The following TLN1 variants were observed in gnomAD, a reference collection of about 807,000 sequenced individuals.
The protein encoded by TLN1 is talin 1, also known as talin-1.
Under a neutral mutation model 292.3 loss-of-function variants are expected in TLN1, and 56 were observed. The observed-to-expected ratio is 0.19, with a 90% CI of 0.15 to 0.24. TLN1 has a LOEUF of 0.24. Among genes scored for constraint, TLN1 ranks in the 10% least tolerant of loss-of-function variants. The probability of loss-of-function intolerance (pLI) is 1.00; values close to 1 mark genes in which losing one functional copy is unlikely to be tolerated. For missense variants in TLN1, 2,433 were observed against 3,248.2 expected (o/e 0.75, Z 6.10); for synonymous variants, 1,119 against 1,253.7 (o/e 0.89, Z 2.27).
Position 35,719,392 on chromosome 9 carries a change from C to T in TLN1, c.1688-110G>A, listed in dbSNP as rs578084213. The T allele has an allele frequency of 3.0e-4, 400 of 1,344,652 alleles. No homozygotes were observed. The highest frequency in any genetic ancestry group is 4.8e-4 in the Admixed American group (28 of 58,446). 83.3% of individuals were successfully genotyped at this position (1,344,652 alleles called of 1,614,324 possible). Reference sequence around the variant, plus strand: ...AGTCACACACATGTCCACAGAAAGACGCACACACACAGTCCCTTCCACAGT... The same window carrying T: ...AGTCACACACATGTCCACAGAAAGATGCACACACACAGTCCCTTCCACAGT... On this transcript the variant is annotated intron_variant, in intron 15 of 56. Coordinates refer to ENST00000314888, the MANE Select transcript of TLN1 (RefSeq NM_006289.4). The surrounding 1 kb of genome is among the most constrained non-coding windows in gnomAD (Gnocchi z 4.6).
rs377421728 is a variant in TLN1 at position 35,706,822 on chromosome 9, A to C, written c.5034T>G (p.Ala1678=). The C allele has an allele frequency of 6.2e-7, 1 of 1,614,064 alleles. No homozygotes were observed. Among genetic ancestry groups the C allele is most frequent in the East Asian group, 2.2e-5 (1 of 44,878 alleles). The change falls in exon 38 of 57, where the codon GCT becomes GCG. Residue 1678 remains alanine (A), a synonymous_variant. Transcript: ENST00000314888. The surrounding 1 kb of genome is among the most constrained non-coding windows in gnomAD (Gnocchi z 4.2). Reference sequence around the variant, plus strand: ...GCTGCTGGCTGACTGCAGCGAGGGAAGCCTGGTCTAGGTCCCGTAGACAAC... The same window carrying C: ...GCTGCTGGCTGACTGCAGCGAGGGACGCCTGGTCTAGGTCCCGTAGACAAC... The part of the protein sequence containing the change: ...LNSCLRDLDQ[A]SLAAVSQQLA...
Position 35,724,105 on chromosome 9 carries a change from A to G in TLN1, c.655-26T>C. The G allele has an allele frequency of 6.2e-7, 1 of 1,612,728 alleles. No individual in the cohort carries two copies. Among genetic ancestry groups the G allele is most frequent in the Non-Finnish European group, 8.5e-7 (1 of 1,178,852 alleles). Reference sequence around the variant, plus strand: ...CTGGAGAGCACAGGGCAAGGAGGCGAATGTTGTGTGTGGGTGCAAGGACAC... The same window carrying G: ...CTGGAGAGCACAGGGCAAGGAGGCGGATGTTGTGTGTGGGTGCAAGGACAC... On this transcript the variant is annotated intron_variant, in intron 6 of 56. Coordinates refer to ENST00000314888, the MANE Select transcript of TLN1 (RefSeq NM_006289.4). This position sits in a 1 kb window ranked among gnomAD's most constrained non-coding sequence, Gnocchi z 4.7.
At position 35,699,220 on chromosome 9, in the gene TLN1, G is replaced by A; in HGVS notation, c.6875-64C>T. The A allele has an allele frequency of 6.4e-7, 1 of 1,574,736 alleles. No homozygotes were observed. The highest frequency in any genetic ancestry group is 1.8e-5 in the Admixed American group (1 of 54,258). The stretch of plus-strand genomic sequence containing the variant: ...GTGGGGAGGTCAAAAGCACCAGGGA[G>A]CATGGTTAGTATCATCAGGCCCTGG... On this transcript the variant is annotated intron_variant, in intron 51 of 56. Coordinates refer to ENST00000314888, the MANE Select transcript of TLN1 (RefSeq NM_006289.4). The surrounding 1 kb of genome is among the most constrained non-coding windows in gnomAD (Gnocchi z 4.0).
chr9:35,725,152 T>C, intron 3 of TLN1, 72 bp downstream of exon 3: 1 of 1,571,008 alleles, frequency 6.4e-7, no homozygotes, highest in Admixed American at 1.7e-5. Flanking sequence ...ATGTGGGTGC[T>C]GAAAACAGGA....
chr9:35,706,800 G>C lies in TLN1; in HGVS notation c.5056C>G (p.Gln1686Glu). 1 of 1,614,022 alleles carries C rather than the reference G, an allele frequency of 6.2e-7. No individual in the cohort carries two copies. The highest frequency in any genetic ancestry group is 8.5e-7 in the Non-Finnish European group (1 of 1,180,020). Reference sequence around the variant, plus strand: ...GAGATTCCCTCACGGGGAGCAAGCTGCTGGCTGACTGCAGCGAGGGAAGCC... The same window carrying C: ...GAGATTCCCTCACGGGGAGCAAGCTCCTGGCTGACTGCAGCGAGGGAAGCC... ...DQASLAAVSQ[Q>E]LAPREGISQE... Residue 1686 changes from glutamine to glutamate, a missense_variant, in exon 38 of 57, where the codon CAG (glutamine) becomes GAG (glutamate). Around this residue, in one of 7 missense-constraint regions of TLN1, gnomAD observed 1,384 missense variants for 1,699.6 expected, o/e 0.81. Coordinates refer to ENST00000314888, the MANE Select transcript of TLN1 (RefSeq NM_006289.4). The surrounding 1 kb of genome is among the most constrained non-coding windows in gnomAD (Gnocchi z 4.2).
chr9:35,708,946 G>A (rs1411660076), intron 33 of TLN1, among the ~76,000 whole-genome samples: 2 of 152,306 alleles, frequency 1.3e-5, no homozygotes, highest in Non-Finnish European at 2.9e-5. Context: ...ACCTCCATGC[G>A]TCAGATATTT....
Position 35,719,157 on chromosome 9 carries a change from C to G in TLN1, c.1813G>C (p.Gly605Arg). ...TTTGCTGCCTGCAACAGGGGCCGAC[C>G]ACTGCCGCCTTCGTCCTCCAGCAAG... Reference protein sequence around the residue: ...AALLEDEGGSGRPLLQAAKGL... With the variant: ...AALLEDEGGSRRPLLQAAKGL... The change falls in exon 16 of 57, where the codon GGT becomes CGT. Residue 605 changes from glycine (G) to arginine (R), a missense_variant. Gly to Arg is a moderately radical substitution (Grantham distance 125). Around this residue, in one of 7 missense-constraint regions of TLN1, gnomAD observed 617 missense variants for 770.6 expected, o/e 0.80. Coordinates refer to ENST00000314888, the MANE Select transcript of TLN1 (RefSeq NM_006289.4). This position sits in a 1 kb window ranked among gnomAD's most constrained non-coding sequence, Gnocchi z 4.6. 3 of 1,614,192 alleles carry G rather than the reference C, an allele frequency of 1.9e-6. No individual in the cohort carries two copies. The highest frequency in any genetic ancestry group is 2.5e-6 in the Non-Finnish European group (3 of 1,180,028).
At position 35,707,299 on chromosome 9, in the gene TLN1, A is replaced by C; in HGVS notation, c.4774-46T>G. 6.2e-7 allele frequency: 1 copy of C among 1,608,480 alleles called. No homozygotes were observed. The highest frequency in any genetic ancestry group is 1.3e-5 in the African/African-American group (1 of 74,958). On this transcript the variant is annotated intron_variant, in intron 36 of 56. Coordinates refer to ENST00000314888, the MANE Select transcript of TLN1 (RefSeq NM_006289.4). This position sits in a 1 kb window ranked among gnomAD's most constrained non-coding sequence, Gnocchi z 5.6. Reference sequence around the variant, plus strand: ...AAGGTAAGTCTCAGGAGTCCCTGGAAGATGAGGTGATAAGCTGGCCCATCA... The same window carrying C: ...AAGGTAAGTCTCAGGAGTCCCTGGACGATGAGGTGATAAGCTGGCCCATCA...
At chr9:35,725,951 T>C (rs1006824000) in intron 1 of TLN1, among the ~76,000 whole-genome samples, 1 of 152,182 alleles carries the variant, frequency 6.6e-6, no homozygotes, top group African/African-American at 2.4e-5. Context: ...TTCGTTCTGT[T>C]GCCCAGGCTA....
chr9:35,707,174 C>T lies in TLN1; in HGVS notation c.4853G>A (p.Arg1618Gln), dbSNP rs780560798. 9 of 1,610,266 alleles carry T rather than the reference C, an allele frequency of 5.6e-6. No homozygotes were observed. The highest frequency in any genetic ancestry group is 2.2e-5 in the East Asian group (1 of 44,886). ...ESAGGLIQTA[R>Q]ALAVNPRDPP... ...GTCCCGGGGATTGACTGCGAGGGCC[C>T]GGGCTGTCTGGATGAGTCCCCCGGC... Residue 1618 changes from arginine to glutamine, a missense_variant, in exon 37 of 57, where the codon CGG becomes CAG. Arg to Gln is a conservative substitution (Grantham distance 43, BLOSUM62 1). Transcript: ENST00000314888. This position sits in a 1 kb window ranked among gnomAD's most constrained non-coding sequence, Gnocchi z 5.6.
rs777616869 is a variant in TLN1, at chr9:35,710,895, G to C, written c.4114-9C>G. The C allele has an allele frequency of 2.0e-5, 32 of 1,613,996 alleles. No individual in the cohort carries two copies. Among genetic ancestry groups the C allele is most frequent in the South Asian group, 1.5e-4 (14 of 91,078 alleles). On this transcript the variant is annotated splice_polypyrimidine_tract_variant and intron_variant, in intron 31 of 56. Transcript: ENST00000314888. The stretch of plus-strand genomic sequence containing the variant: ...AGGAGTTCCCGGACCGTCTGTGTAG[G>C]GGGAGGGCAAAGTGAGATCCAAGAC...
chr9:35,729,402 G>C (rs1052347783), intron 1 of TLN1, among the ~76,000 whole-genome samples: 2 of 152,234 alleles, frequency 1.3e-5, no homozygotes, highest in African/African-American at 4.8e-5. Flanking sequence ...AGGGGTACCT[G>C]CAAGGGAGCA....
intron 33 of TLN1, 21 bp from the exon 34 acceptor site, chr9:35,708,505 G>T: frequency 6.5e-7 from 1 of 1,538,684 alleles, no homozygotes; most frequent in Non-Finnish European, 8.8e-7. Context: ...AAAAGGGGGT[G>T]GGGGTGAGGA....
intron 10 of TLN1, among the ~76,000 whole-genome samples, chr9:35,721,181 G>A (rs938601545): frequency 6.6e-6 from 1 of 152,212 alleles, no homozygotes. Flanking sequence ...AAAATTGAGA[G>A]GATATAATAT....
Position 35,707,128 on chromosome 9 carries a change from C to T in TLN1, c.4899G>A (p.Leu1633=). Residue 1633 remains leucine, a synonymous_variant, in exon 37 of 57, where the codon CTG becomes CTA. Coordinates refer to ENST00000314888, the MANE Select transcript of TLN1 (RefSeq NM_006289.4). This position sits in a 1 kb window ranked among gnomAD's most constrained non-coding sequence, Gnocchi z 5.6. ...NPRDPPSWSV[L]AGHSRTVSDS... ...CTGAGACAGTACGGGAGTGGCCGGCCAGCACCGACCAGCTCGGGGGGTCCC... is the reference window on the plus strand; with the variant it reads ...CTGAGACAGTACGGGAGTGGCCGGCTAGCACCGACCAGCTCGGGGGGTCCC... The T allele has an allele frequency of 1.9e-6, 3 of 1,611,884 alleles. No homozygotes were observed. The highest frequency in any genetic ancestry group is 2.5e-6 in the Non-Finnish European group (3 of 1,179,484).
In TLN1 at chr9:35,724,321, G is replaced by A. The variant is rs1295883495; in HGVS notation, c.525C>T (p.Asp175=). 1 of 1,614,096 alleles carries A rather than the reference G, an allele frequency of 6.2e-7. No individual in the cohort carries two copies. The highest frequency in any genetic ancestry group is 1.7e-5 in the Admixed American group (1 of 60,014). The change falls in exon 6 of 57, where the codon GAC becomes GAT. Residue 175 remains aspartate (D), a synonymous_variant. Coordinates refer to ENST00000314888, the MANE Select transcript of TLN1 (RefSeq NM_006289.4). This position sits in a 1 kb window ranked among gnomAD's most constrained non-coding sequence, Gnocchi z 4.7. ...LHTDDELNWL[D]HGRTLREQGV... ...CCTGCTCCCTCAGTGTCCGACCATG[G>A]TCCAGCCAGTTCACTGGGATACAGA...
At position 35,715,083 on chromosome 9, in the gene TLN1, C is replaced by G; in HGVS notation, c.2730G>C (p.Lys910Asn). 6.2e-7 allele frequency: 1 copy of G among 1,613,216 alleles called. No homozygotes were observed. The highest frequency in any genetic ancestry group is 8.5e-7 in the Non-Finnish European group (1 of 1,180,038). ...CCTCCAGGCGCTGCACCAGCTTTTT[C>G]TTGATGGCATTCTGCGCAGCTGCAT... is the stretch of plus-strand genomic sequence containing the variant. The part of the protein sequence containing the change: ...ATNAAAQNAI[K>N]KKLVQRLEHA... Residue 910 changes from lysine (K) to asparagine (N), a missense_variant, in exon 21 of 57, where the codon AAG (lysine) becomes AAC (asparagine). Around this residue, in one of 7 missense-constraint regions of TLN1, gnomAD observed 617 missense variants for 770.6 expected, o/e 0.80. Coordinates refer to ENST00000314888, the MANE Select transcript of TLN1 (RefSeq NM_006289.4).
At position 35,715,049 on chromosome 9, in the gene TLN1, C is replaced by T; in HGVS notation, c.2754+10G>A. On this transcript the variant is annotated intron_variant, in intron 21 of 56. Coordinates refer to ENST00000314888, the MANE Select transcript of TLN1 (RefSeq NM_006289.4). ...CTCTCTCTTGCTCCTGGTGAAACTC[C>T]CAGCCTCACCTCCAGGCGCTGCACC... is the stretch of plus-strand genomic sequence containing the variant. 6.2e-7 allele frequency: 1 copy of T among 1,612,786 alleles called. No individual in the cohort carries two copies. The highest frequency in any genetic ancestry group is 8.5e-7 in the Non-Finnish European group (1 of 1,180,044).
At position 35,711,989 on chromosome 9, in the gene TLN1, C is replaced by A. The variant is rs761943923; in HGVS notation, c.3681+16G>T. 1.9e-5 allele frequency: 31 copies of A among 1,612,782 alleles called. No homozygotes were observed. Among genetic ancestry groups the A allele is most frequent in the South Asian group, 1.1e-4 (10 of 91,002 alleles). On this transcript the variant is annotated intron_variant, in intron 28 of 56. Coordinates refer to ENST00000314888, the MANE Select transcript of TLN1 (RefSeq NM_006289.4). ...CTTTGACTCCTACGTTCCCCCACCC[C>A]CTACCGTCCTCCTACCGAGTCACTC...
Sources: gnomAD v4.1 joint callset for allele counts (sites outside exome capture counted in the v4.1 genomes callset) on GRCh38, gnomAD v4.1.1 for gene constraint, gnomAD v4.1.1 regional missense constraint, Gnocchi (gnomAD v3.1) non-coding constraint, MANE v1.5 for transcripts, NCBI Gene and HGNC (gene_info 2026-07-23, HGNC 2026-07-21) for gene names.